Variants in GLIS3 observed in about 807,000 individuals in gnomAD.
GLIS3 encodes the protein GLIS family zinc finger 3, also known as zinc finger protein GLIS3.
GLIS3 carries 53 observed loss-of-function variants against 78.6 expected under a neutral mutation model. That is an observed-to-expected ratio of 0.67 (90% CI 0.54 to 0.85). The LOEUF (loss-of-function observed/expected upper bound fraction) is 0.85. Ranked by LOEUF, GLIS3 falls within the 40% of genes least tolerant of loss-of-function variation. The pLI is 0.00. For missense variants in GLIS3, 1,703 were observed against 1,231.1 expected (o/e 1.38, Z -5.74); for synonymous variants, 684 against 509.9 (o/e 1.34, Z -4.60).
intron 2 of GLIS3, among the ~76,000 whole-genome samples, chr9:4,168,905 A>G (rs919273639): frequency 1.1e-4 from 17 of 152,220 alleles, no homozygotes; most frequent in Non-Finnish European, 1.5e-5. Flanking sequence ...TAACTGTTAG[A>G]TAACGAGAAA....
At chr9:4,122,984 G>C (rs2130901997) in intron 3 of GLIS3, among the ~76,000 whole-genome samples, 1 of 152,140 alleles carries the variant, frequency 6.6e-6, no homozygotes. Context: ...AATTAATCTA[G>C]GCAAATATAT....
At chr9:4,180,658 G>T (rs1162821582) in intron 2 of GLIS3, among the ~76,000 whole-genome samples, 1 of 152,118 alleles carries the variant, frequency 6.6e-6, no homozygotes, top group Non-Finnish European at 1.5e-5. Context: ...TTAAAAGGGG[G>T]TAGCATAAAA....
intron 4 of GLIS3, among the ~76,000 whole-genome samples, chr9:4,090,678 C>T (rs1424397290): frequency 6.6e-6 from 1 of 152,208 alleles, no homozygotes; most frequent in African/African-American, 2.4e-5. Context: ...CACTTGGTGG[C>T]CACGGCATCC....
At chr9:4,163,226 G>A (rs1835634976) in intron 2 of GLIS3, among the ~76,000 whole-genome samples, 1 of 148,370 alleles carries the variant, frequency 6.7e-6, no homozygotes, top group Non-Finnish European at 1.5e-5. Context: ...GTCTCAGCAT[G>A]TGCACGCATG....
chr9:4,230,810 C>A (rs1822190382), intron 2 of GLIS3, among the ~76,000 whole-genome samples: 1 of 152,168 alleles, frequency 6.6e-6, no homozygotes, highest in African/African-American at 2.4e-5. Context: ...TTCCAAAACA[C>A]ATAAAAGAAT....
intron 4 of GLIS3, among the ~76,000 whole-genome samples, chr9:4,079,601 G>C (rs1828377627): frequency 1.3e-5 from 2 of 152,196 alleles, no homozygotes; most frequent in South Asian, 2.1e-4. Flanking sequence ...GTCACAACCA[G>C]AGGAATGCCT....
chr9:4,304,998 C>T (rs539086832), upstream of GLIS3, among the ~76,000 whole-genome samples: 8 of 152,326 alleles, frequency 5.3e-5, no homozygotes, highest in African/African-American at 1.4e-4. Flanking sequence ...TGACTTCCTT[C>T]AGGCTGGGGA....
intron 9 of GLIS3, among the ~76,000 whole-genome samples, chr9:3,840,552 C>A (rs187309782): frequency 1.3e-5 from 2 of 152,236 alleles, no homozygotes; most frequent in Admixed American, 1.3e-4. Flanking sequence ...GAGCTATTTA[C>A]GACTGACATT....
chr9:4,032,437 CT>C (rs546903011), intron 4 of GLIS3, among the ~76,000 whole-genome samples: 72 of 151,662 alleles, frequency 4.7e-4, no homozygotes, highest in African/African-American at 1.6e-3. Context: ...GCATAGAATG[CT>C]TTTTTTTCAA....
chr9:4,223,794 T>C (rs766348336), intron 2 of GLIS3, among the ~76,000 whole-genome samples: 16 of 152,202 alleles, frequency 1.1e-4, no homozygotes, highest in Non-Finnish European at 1.8e-4. Context: ...TTTCTGGTTT[T>C]GAGTACTAAG....
intron 4 of GLIS3, among the ~76,000 whole-genome samples, chr9:4,034,331 G>T (rs990655255): frequency 2.0e-5 from 3 of 152,090 alleles, no homozygotes; most frequent in Admixed American, 6.5e-5. Flanking sequence ...ATAATCAAAA[G>T]CAGGATTCCA....
the GLIS3 span, among the ~76,000 whole-genome samples, chr9:4,439,315 T>C: frequency 6.6e-6 from 1 of 152,240 alleles, no homozygotes; most frequent in Non-Finnish European, 1.5e-5. Flanking sequence ...GTTTTTAGTA[T>C]GTTCACAGAG....
At chr9:4,044,066 CAGAAG>C (rs1375277547) in intron 4 of GLIS3, among the ~76,000 whole-genome samples, 2 of 152,168 alleles carry the variant, frequency 1.3e-5, no homozygotes, top group Non-Finnish European at 2.9e-5. Context: ...GGGTCCGGCA[CAGAAG>C]AGAAAACTGG....
intron 3 of GLIS3, among the ~76,000 whole-genome samples, chr9:4,121,620 GACAC>G (rs767610111): frequency 0.029 from 4,055 of 142,126 alleles, 124 homozygotes; most frequent in African/African-American, 0.082. Flanking sequence ...TTCTCCCAGT[GACAC>G]ACACACACAC....
chr9:4,117,704 A>G, intron 4 of GLIS3, 64 bp downstream of exon 4: 1 of 1,598,020 alleles, frequency 6.3e-7, no homozygotes, highest in South Asian at 1.1e-5. Context: ...TTAGGAAAAA[A>G]CACACGTACG....
chr9:4,446,100 T>C, the GLIS3 span, among the ~76,000 whole-genome samples: 1 of 152,190 alleles, frequency 6.6e-6, no homozygotes, highest in East Asian at 1.9e-4. Flanking sequence ...AACCAGCCCA[T>C]GGTTTACCAG....
the GLIS3 span, among the ~76,000 whole-genome samples, chr9:4,375,276 T>A: frequency 6.6e-6 from 1 of 152,202 alleles, no homozygotes; most frequent in Admixed American, 6.5e-5. Flanking sequence ...TCTCCTTCAG[T>A]AGAAGTAAAG....
intron 2 of GLIS3, among the ~76,000 whole-genome samples, chr9:4,324,092 A>G (rs186023109): frequency 5.9e-5 from 9 of 152,290 alleles, no homozygotes; most frequent in Admixed American, 5.9e-4. Context: ...TCAATATGCC[A>G]TCTCAACCCT....
intron 2 of GLIS3, among the ~76,000 whole-genome samples, chr9:4,280,732 A>G (rs68086591): frequency 0.063 from 9,557 of 151,988 alleles, 685 homozygotes; most frequent in African/African-American, 0.18. Flanking sequence ...TTTGCCTTTT[A>G]TCCTCTTCCT....
Sources: allele counts gnomAD v4.1 joint callset (sites outside exome capture counted in the v4.1 genomes callset), GRCh38; gene constraint gnomAD v4.1.1; transcripts MANE v1.5; gene names NCBI Gene and HGNC (gene_info 2026-07-23, HGNC 2026-07-21).